Variants in CDYL2 observed in about 807,000 individuals in gnomAD.
CDYL2 encodes the protein chromodomain Y like 2.
Under a neutral mutation model 49.4 loss-of-function variants are expected in CDYL2, and 23 were observed. The ratio of observed to expected loss-of-function variants is 0.47; its 90% CI spans 0.34 to 0.66. The LOEUF (loss-of-function observed/expected upper bound fraction) is 0.66. CDYL2 is among the 30% of genes least tolerant of loss of function. The pLI is 0.01. For missense variants in CDYL2, 678 were observed against 656.4 expected, an observed-to-expected ratio of 1.03 and a Z score of -0.36; for synonymous variants, 360 against 268.8, an observed-to-expected ratio of 1.34 and a Z score of -3.32.
intron 1 of CDYL2, among the ~76,000 whole-genome samples, chr16:80,745,100 C>T (rs1276328169): frequency 4.6e-5 from 7 of 152,170 alleles, no homozygotes; most frequent in South Asian, 2.1e-4. Context: ...ATCTGCAAAA[C>T]CACTCCCCCA....
intron 2 of CDYL2, among the ~76,000 whole-genome samples, chr16:80,650,536 C>A (rs1295095481): frequency 6.6e-6 from 1 of 152,158 alleles, no homozygotes; most frequent in Non-Finnish European, 1.5e-5. Flanking sequence ...TAAATTAGTA[C>A]AACCACTATG....
chr16:80,759,493 T>C (rs1906454974), intron 1 of CDYL2, among the ~76,000 whole-genome samples: 1 of 152,146 alleles, frequency 6.6e-6, no homozygotes, highest in Admixed American at 6.5e-5. Context: ...ATGACCAATA[T>C]GCCAGTTAAA....
At chr16:80,781,603 G>C (rs1284602908) in intron 1 of CDYL2, among the ~76,000 whole-genome samples, 2 of 152,110 alleles carry the variant, frequency 1.3e-5, no homozygotes, top group African/African-American at 4.8e-5. Context: ...GGTACACATG[G>C]TATGTTCTCC....
At chr16:80,680,317 G>A (rs1268258272) in intron 2 of CDYL2, among the ~76,000 whole-genome samples, 3 of 152,166 alleles carry the variant, frequency 2.0e-5, no homozygotes, top group East Asian at 1.9e-4. Flanking sequence ...GATCTTAAAC[G>A]TCCTTTCAGA....
At chr16:80,607,523 G>C (rs1359664536) in intron 6 of CDYL2, among the ~76,000 whole-genome samples, 1 of 152,192 alleles carries the variant, frequency 6.6e-6, no homozygotes, top group Non-Finnish European at 1.5e-5. Flanking sequence ...CCTTCCCACA[G>C]GATATTCCCC....
At chr16:80,743,752 A>C (rs1394475725) in intron 1 of CDYL2, among the ~76,000 whole-genome samples, 1 of 151,894 alleles carries the variant, frequency 6.6e-6, no homozygotes, top group African/African-American at 2.4e-5. Context: ...TATCAGTTCA[A>C]ATTGTTTTAG....
chr16:80,630,883 T>C (rs1907530640), intron 3 of CDYL2, among the ~76,000 whole-genome samples: 3 of 152,180 alleles, frequency 2.0e-5, no homozygotes. Context: ...GCCTCCCTGA[T>C]GGTACGGGGT....
intron 1 of CDYL2, among the ~76,000 whole-genome samples, chr16:80,775,219 T>C (rs1907041226): frequency 1.3e-5 from 2 of 151,648 alleles, no homozygotes; most frequent in African/African-American, 4.8e-5. Context: ...TATAAAAATA[T>C]ATTATAAGTG....
intron 3 of CDYL2, among the ~76,000 whole-genome samples, chr16:80,625,277 T>C (rs559332506): frequency 1.3e-5 from 2 of 152,334 alleles, no homozygotes; most frequent in South Asian, 4.1e-4. Context: ...CCACATTCCT[T>C]GGTTCCTGGC....
intron 1 of CDYL2, among the ~76,000 whole-genome samples, chr16:80,738,396 TA>T (rs949471844): frequency 3.6e-5 from 5 of 138,314 alleles, no homozygotes; most frequent in Admixed American, 1.4e-4. Flanking sequence ...ATCCCATGTC[TA>T]TTTTTTTTTT....
chr16:80,666,484 G>C (rs565982507), intron 2 of CDYL2, among the ~76,000 whole-genome samples: 18 of 152,164 alleles, frequency 1.2e-4, no homozygotes, highest in Non-Finnish European at 2.6e-4. Flanking sequence ...GCCCTTCATG[G>C]GGGAGGGAGC....
intron 1 of CDYL2, among the ~76,000 whole-genome samples, chr16:80,793,254 A>G (rs1200286202): frequency 6.6e-6 from 1 of 152,222 alleles, no homozygotes; most frequent in African/African-American, 2.4e-5. Context: ...GTGCGTGCTC[A>G]GTGTGAAAGG....
Position 80,614,347 on chromosome 16 carries a change from C to T in CDYL2, c.1008-1511G>A, listed in dbSNP as rs549131026. Among the ~76,000 whole-genome samples, 4 of 152,308 alleles carry T rather than the reference C, an allele frequency of 2.6e-5. No homozygotes were observed. The South Asian group carries it at 6.2e-4, about 24-fold the overall frequency. ...CCCACCAGTACCACTTCCAGGTGCA[C>T]ATCAAACCTCCCACCATGGCGTCCT... On this transcript the variant is annotated intron_variant, in intron 4 of 6. Coordinates refer to ENST00000570137, the MANE Select transcript of CDYL2 (RefSeq NM_152342.4).
Position 80,601,726 on chromosome 16 carries a change from T to A in CDYL2, c.*2662A>T, listed in dbSNP as rs1383240742. On this transcript the variant is annotated 3_prime_UTR_variant, in exon 7 of 7. Transcript: ENST00000570137. ...TCAGTCCACCCTGCAGCAAAAAGAT[T>A]TCACCTGCTTTCACCCAATTGGTGG... 6.6e-6 allele frequency: 1 copy of A among 152,122 alleles called. No individual in the cohort carries two copies. Among genetic ancestry groups the A allele is most frequent in the African/African-American group, 2.4e-5 (1 of 41,412 alleles). The allele number at this position is 152,122 out of a possible 1,614,324, so 9.4% of individuals were successfully genotyped here. A position where few individuals can be genotyped will look rare whatever the true frequency, so the allele number is the denominator to read the frequency against.
intron 1 of CDYL2, among the ~76,000 whole-genome samples, chr16:80,759,527 G>A (rs956466350): frequency 1.3e-5 from 2 of 152,162 alleles, no homozygotes; most frequent in Middle Eastern, 3.4e-3. Context: ...TAAAACAACA[G>A]GCTGAATCAG....
chr16:80,674,891 G>C (rs762348271), intron 2 of CDYL2, among the ~76,000 whole-genome samples: 2 of 152,172 alleles, frequency 1.3e-5, no homozygotes, highest in Non-Finnish European at 2.9e-5. Context: ...TGACAATTGA[G>C]GGAGTCCCCT....
chr16:80,780,226 T>C (rs1011520548), intron 1 of CDYL2, among the ~76,000 whole-genome samples: 1 of 152,074 alleles, frequency 6.6e-6, no homozygotes, highest in African/African-American at 2.4e-5. Flanking sequence ...TCGTAAAAAT[T>C]CTAAAATGCA....
At chr16:80,626,422 G>A (rs975178419) in intron 3 of CDYL2, among the ~76,000 whole-genome samples, 3 of 152,120 alleles carry the variant, frequency 2.0e-5, no homozygotes, top group African/African-American at 4.8e-5. Context: ...CAATAATATT[G>A]TAGAGGATGA....
At chr16:80,646,775 G>A (rs1198055671) in intron 2 of CDYL2, among the ~76,000 whole-genome samples, 5 of 151,764 alleles carry the variant, frequency 3.3e-5, no homozygotes, top group Admixed American at 1.3e-4. Flanking sequence ...GAGACAGAGT[G>A]AGACTCTGTC....
Sources: gnomAD v4.1 joint callset for allele counts (sites outside exome capture counted in the v4.1 genomes callset) on GRCh38, gnomAD v4.1.1 for gene constraint, MANE v1.5 for transcripts, NCBI Gene and HGNC (gene_info 2026-07-23, HGNC 2026-07-21) for gene names.